MGAT5: variants seen among roughly 807,000 people sequenced by gnomAD.
MGAT5 encodes alpha-1,6-mannosylglycoprotein 6-beta-N-acetylglucosaminyltransferase.
A neutral mutation model predicts 94.3 loss-of-function variants in MGAT5; 30 were observed. The observed-to-expected ratio is 0.32, with a 90% CI of 0.24 to 0.43. The LOEUF (loss-of-function observed/expected upper bound fraction) is 0.43. MGAT5 is among the 20% of genes least tolerant of loss of function. MGAT5 has a pLI of 1.00. For synonymous variants in MGAT5, 310 were observed against 322.9 expected, an observed-to-expected ratio of 0.96 and a Z score of 0.43; for missense variants, 691 against 905.5, an observed-to-expected ratio of 0.76 and a Z score of 3.04.
chr2:134,221,834 AC>A (rs1323914779), intron 1 of MGAT5, among the ~76,000 whole-genome samples: 1 of 151,890 alleles, frequency 6.6e-6, no homozygotes, highest in Non-Finnish European at 1.5e-5. Context: ...TAAAATTAGG[AC>A]CTTTCAGACA....
intron 2 of MGAT5, among the ~76,000 whole-genome samples, chr2:134,314,126 A>C (rs1366179334): frequency 6.6e-6 from 1 of 152,204 alleles, no homozygotes; most frequent in Non-Finnish European, 1.5e-5. Flanking sequence ...ATTCCCGGTC[A>C]GGTTTGGGAG....
intron 1 of MGAT5, among the ~76,000 whole-genome samples, chr2:134,232,747 G>A (rs1485538806): frequency 2.0e-5 from 3 of 152,062 alleles, no homozygotes; most frequent in African/African-American, 7.2e-5. Context: ...AACCTGAGAT[G>A]TTAGATTATT....
chr2:134,383,299 T>C (rs555043561), intron 10 of MGAT5, among the ~76,000 whole-genome samples: 1 of 152,366 alleles, frequency 6.6e-6, no homozygotes, highest in East Asian at 1.9e-4. Flanking sequence ...TGATATCTGC[T>C]GTGGTTAGGT....
chr2:134,307,899 G>A (rs925430892), intron 2 of MGAT5, among the ~76,000 whole-genome samples: 3 of 152,132 alleles, frequency 2.0e-5, no homozygotes, highest in Non-Finnish European at 4.4e-5. Context: ...CATTAAAAAA[G>A]GGGGTAGCAG....
intron 2 of MGAT5, among the ~76,000 whole-genome samples, chr2:134,300,314 C>T (rs16830357): frequency 0.017 from 2,647 of 152,232 alleles, 87 homozygotes; most frequent in African/African-American, 0.06. Context: ...TGTTGTAAAT[C>T]TGAAGTCGGG....
rs112051036 is a variant in MGAT5, at chr2:134,151,212, G to A, written c.-143+30921G>A. Among the ~76,000 whole-genome samples the A allele has an allele frequency of 8.2e-3, 1,047 of 128,392 alleles. 8 individuals carry two copies. Among genetic ancestry groups the A allele is most frequent in the African/African-American group, 0.028 (954 of 33,736 alleles). The allele number at this position is 128,392 out of a possible 152,430, so 84.2% of individuals were successfully genotyped here. Reference sequence around the variant, plus strand: ...ACCTCACTCACGCCCTATGGGACCCGCTTACCGCCATGGGACCTCACTCAC... The same window carrying A: ...ACCTCACTCACGCCCTATGGGACCCACTTACCGCCATGGGACCTCACTCAC... On this transcript the variant is annotated intron_variant, in intron 1 of 16. Coordinates refer to the MGAT5 transcript ENST00000409645.
intron 1 of MGAT5, among the ~76,000 whole-genome samples, chr2:134,191,967 C>T (rs1185939659): frequency 6.7e-6 from 1 of 148,780 alleles, no homozygotes; most frequent in Admixed American, 6.7e-5. Context: ...CTCCTGCTCG[C>T]GCCAGCGGGT....
Position 134,132,730 on chromosome 2 carries a change from A to G in MGAT5, c.-143+12439A>G, listed in dbSNP as rs571357833. ...TTGCACTGAATGGATTTCATAACCCATCAGTTAGTTGTGACCTTCTGTTTG... is the reference window on the plus strand; with the variant it reads ...TTGCACTGAATGGATTTCATAACCCGTCAGTTAGTTGTGACCTTCTGTTTG... On this transcript the variant is annotated intron_variant, in intron 1 of 16. Transcript: ENST00000409645. Among the ~76,000 whole-genome samples, 233 of 152,354 alleles carry G rather than the reference A, an allele frequency of 1.5e-3. 2 individuals are homozygous for G. The highest frequency in any genetic ancestry group is 5.5e-3 in the African/African-American group (228 of 41,590).
upstream of MGAT5, among the ~76,000 whole-genome samples, chr2:134,249,538 T>G (rs1480255331): frequency 6.6e-6 from 1 of 152,234 alleles, no homozygotes; most frequent in Non-Finnish European, 1.5e-5. Flanking sequence ...TTTTGCTTAG[T>G]ATAATGTTCT....
At chr2:134,332,706 A>G (rs1688052186) in intron 4 of MGAT5, among the ~76,000 whole-genome samples, 1 of 152,224 alleles carries the variant, frequency 6.6e-6, no homozygotes. Flanking sequence ...AAGGGCTAAT[A>G]TCCAGAATCT....
rs370104529 is a variant in MGAT5 at position 134,449,264 on chromosome 2, G to A, written c.*417G>A. On this transcript the variant is annotated 3_prime_UTR_variant, in exon 16 of 16. Transcript: ENST00000281923. Reference sequence around the variant, plus strand: ...TTATTCGGGTGGGAGGGAGGGGACCGCGGGAGGGAGAGGAGGGATTGATCA... The same window carrying A: ...TTATTCGGGTGGGAGGGAGGGGACCACGGGAGGGAGAGGAGGGATTGATCA... 33 of 210,748 alleles carry A rather than the reference G, an allele frequency of 1.6e-4. No homozygotes were observed. Among genetic ancestry groups the A allele is most frequent in the Admixed American group, 4.7e-4 (9 of 18,978 alleles). 13.1% of individuals were successfully genotyped at this position (210,748 alleles called of 1,614,324 possible).
chr2:134,289,800 C>T (rs13411357), intron 2 of MGAT5, among the ~76,000 whole-genome samples: 2 of 152,194 alleles, frequency 1.3e-5, no homozygotes, highest in Non-Finnish European at 2.9e-5. Flanking sequence ...CCACATTTGT[C>T]GTCACAGCTC....
intron 1 of MGAT5, among the ~76,000 whole-genome samples, chr2:134,227,615 T>C (rs1681130625): frequency 6.6e-6 from 1 of 152,170 alleles, no homozygotes. Context: ...CTAACACATA[T>C]CTACTTACCT....
At chr2:134,194,605 G>GT (rs1679407553) in intron 1 of MGAT5, among the ~76,000 whole-genome samples, 1 of 152,100 alleles carries the variant, frequency 6.6e-6, no homozygotes, top group African/African-American at 2.4e-5. Flanking sequence ...GATGATAGGG[G>GT]GTGTTTAGAG....
chr2:134,370,523 T>C (rs994374100), intron 10 of MGAT5, among the ~76,000 whole-genome samples: 2 of 152,282 alleles, frequency 1.3e-5, no homozygotes, highest in African/African-American at 4.8e-5. Context: ...GTCTCCTGCT[T>C]ATTTCCCCTG....
At chr2:134,339,834 A>G (rs1023479827) in intron 6 of MGAT5, among the ~76,000 whole-genome samples, 7 of 152,338 alleles carry the variant, frequency 4.6e-5, no homozygotes, top group African/African-American at 1.7e-4. Flanking sequence ...GACTGTTCTT[A>G]GTGACTTCAG....
chr2:134,146,464 G>A (rs1265954132), intron 1 of MGAT5, among the ~76,000 whole-genome samples: 2 of 152,034 alleles, frequency 1.3e-5, no homozygotes, highest in African/African-American at 4.8e-5. Flanking sequence ...GGAGGCTGAG[G>A]TGGTAGTGTC....
intron 2 of MGAT5, among the ~76,000 whole-genome samples, chr2:134,294,056 G>C (rs1685531500): frequency 6.6e-6 from 1 of 152,178 alleles, no homozygotes; most frequent in Admixed American, 6.5e-5. Flanking sequence ...AGCACTGCAT[G>C]TTCAGTGTAA....
At position 134,348,805 on chromosome 2, in the gene MGAT5, A is replaced by G. The variant is rs1481241849; in HGVS notation, c.1113-1000A>G. On this transcript the variant is annotated intron_variant, in intron 8 of 15. Coordinates refer to ENST00000281923, the MANE Select transcript of MGAT5 (RefSeq NM_002410.5). ...ATATTTTGAAAGTCAGTGATGAAATATTATCAAAATCAATAAATTTTGTTT... is the reference window on the plus strand; with the variant it reads ...ATATTTTGAAAGTCAGTGATGAAATGTTATCAAAATCAATAAATTTTGTTT... Among the ~76,000 whole-genome samples the G allele has an allele frequency of 2.6e-5, 4 of 152,240 alleles. No individual in the cohort carries two copies. In the East Asian group the frequency reaches 7.7e-4, roughly 29 times the overall value.
Sources: gnomAD v4.1 joint callset for allele counts (sites outside exome capture counted in the v4.1 genomes callset) on GRCh38, gnomAD v4.1.1 for gene constraint, MANE v1.5 for transcripts, NCBI Gene and HGNC (gene_info 2026-07-23, HGNC 2026-07-21) for gene names.